Variants in PRTG observed in about 807,000 individuals in gnomAD.
PRTG encodes immunoglobulin superfamily, DCC subclass, member 5.
A neutral mutation model predicts 122.5 loss-of-function variants in PRTG; 67 were observed. The observed-to-expected ratio is 0.55, with a 90% CI of 0.45 to 0.67. The LOEUF is 0.67. PRTG is among the 30% of genes least tolerant of loss of function. The pLI is 0.00. For synonymous variants in PRTG, 554 were observed against 501.1 expected, an observed-to-expected ratio of 1.11 and a Z score of -1.41; for missense variants, 1,435 against 1,415.4, an observed-to-expected ratio of 1.01 and a Z score of -0.22.
Position 55,637,409 on chromosome 15 carries a change from T to C in PRTG, c.2453-69A>G, listed in dbSNP as rs146501788. The C allele has an allele frequency of 7.8e-3, 10,451 of 1,338,464 alleles. 63 individuals are homozygous for C. The highest frequency in any genetic ancestry group is 8.7e-3 in the Non-Finnish European group (8,831 of 1,019,434). The allele number at this position is 1,338,464 out of a possible 1,614,324, so 82.9% of individuals were successfully genotyped here. ...TTCATAAATACTCAAATACCTGGCT[T>C]ATAGGCTTAGAAAAAAGTTCAAAAA... On this transcript the variant is annotated intron_variant, in intron 14 of 19. Transcript: ENST00000389286.
chr15:55,678,664 C>T (rs569636314), intron 7 of PRTG, among the ~76,000 whole-genome samples: 1 of 152,264 alleles, frequency 6.6e-6, no homozygotes, highest in African/African-American at 2.4e-5. Context: ...TTTGAGTCTG[C>T]ATTAATATTT....
chr15:55,736,028 G>A (rs2031401053), intron 2 of PRTG, among the ~76,000 whole-genome samples: 1 of 152,036 alleles, frequency 6.6e-6, no homozygotes, highest in Non-Finnish European at 1.5e-5. Flanking sequence ...CTTTTTAAAG[G>A]CGAATTTTTT....
chr15:55,722,473 T>C (rs546022181), intron 2 of PRTG, among the ~76,000 whole-genome samples: 5 of 152,148 alleles, frequency 3.3e-5, no homozygotes, highest in African/African-American at 1.2e-4. Flanking sequence ...AATTTTAGTG[T>C]CTACAATGTG....
intron 2 of PRTG, among the ~76,000 whole-genome samples, chr15:55,729,147 A>G (rs1234744856): frequency 2.0e-5 from 3 of 152,246 alleles, no homozygotes; most frequent in Admixed American, 6.5e-5. Flanking sequence ...GAACGGGTAA[A>G]CAAAACATGG....
intron 2 of PRTG, among the ~76,000 whole-genome samples, chr15:55,739,788 T>C (rs1043337927): frequency 6.6e-6 from 1 of 152,190 alleles, no homozygotes; most frequent in East Asian, 1.9e-4. Context: ...TGAGCAGATA[T>C]GGGTTTAAGT....
intron 1 of PRTG, among the ~76,000 whole-genome samples, chr15:55,741,937 T>C (rs1020494159): frequency 1.7e-4 from 26 of 152,172 alleles, no homozygotes; most frequent in Non-Finnish European, 5.9e-5. Flanking sequence ...GTCTGTAACC[T>C]GCAAATAAAT....
chr15:55,679,558 T>G (rs1352913049), intron 6 of PRTG, 113 bp from the exon 7 acceptor site: 1 of 741,588 alleles, frequency 1.3e-6, no homozygotes, highest in Non-Finnish European at 2.1e-6. Flanking sequence ...ATGCCTGACA[T>G]GCTGAGCTCC....
chr15:55,735,711 G>A (rs2031387239), intron 2 of PRTG, among the ~76,000 whole-genome samples: 1 of 109,404 alleles, frequency 9.1e-6, no homozygotes, highest in Non-Finnish European at 1.8e-5. Context: ...ACTGGACCAT[G>A]CTTTGCTAAA....
At chr15:55,735,450 C>T (rs2031378015) in intron 2 of PRTG, among the ~76,000 whole-genome samples, 1 of 151,668 alleles carries the variant, frequency 6.6e-6, no homozygotes, top group Non-Finnish European at 1.5e-5. Context: ...TTTGTTGCTT[C>T]CTATTATTTT....
chr15:55,707,086 A>G (rs2030160467), intron 2 of PRTG, among the ~76,000 whole-genome samples: 1 of 152,220 alleles, frequency 6.6e-6, no homozygotes, highest in Admixed American at 6.5e-5. Flanking sequence ...GTGGGGAGCC[A>G]TTGAAATATT....
chr15:55,636,633 G>T (rs1169498592), intron 15 of PRTG, among the ~76,000 whole-genome samples: 1 of 151,766 alleles, frequency 6.6e-6, no homozygotes, highest in Non-Finnish European at 1.5e-5. Context: ...TCTCCAGTTG[G>T]CCTCAACCAA....
intron 11 of PRTG, among the ~76,000 whole-genome samples, chr15:55,670,897 TCACAAA>T (rs1567092109): frequency 9.8e-6 from 1 of 102,028 alleles, no homozygotes; most frequent in African/African-American, 4.3e-5. Context: ...TAAAACTCCG[TCACAAA>T]CACACACACA....
intron 11 of PRTG, among the ~76,000 whole-genome samples, chr15:55,661,441 G>A (rs896850292): frequency 1.3e-5 from 2 of 152,136 alleles, no homozygotes; most frequent in South Asian, 2.1e-4. Context: ...ATCTCCACAG[G>A]GGCCTTACTT....
intron 2 of PRTG, among the ~76,000 whole-genome samples, chr15:55,740,007 T>C (rs2031557785): frequency 1.3e-5 from 2 of 152,210 alleles, no homozygotes; most frequent in African/African-American, 4.8e-5. Context: ...GCAGAACAAT[T>C]TGCTTGTGAT....
In PRTG at chr15:55,637,151, G is replaced by T; in HGVS notation, c.2623+19C>A. The stretch of plus-strand genomic sequence containing the variant: ...AATAATCGTACTTTTCACCCTTCAT[G>T]GCAATTTATGATATTTACCTTCACG... On this transcript the variant is annotated intron_variant, in intron 15 of 19. Coordinates refer to ENST00000389286, the MANE Select transcript of PRTG (RefSeq NM_173814.6). 6.8e-7 allele frequency: 1 copy of T among 1,478,418 alleles called. No homozygotes were observed. The highest frequency in any genetic ancestry group is 9.0e-7 in the Non-Finnish European group (1 of 1,106,778). The allele number at this position is 1,478,418 out of a possible 1,614,324, so 91.6% of individuals were successfully genotyped here. A position where few individuals can be genotyped will look rare whatever the true frequency, so the allele number is the denominator to read the frequency against.
At chr15:55,645,942 AGTTG>A (rs2059320140) in intron 11 of PRTG, among the ~76,000 whole-genome samples, 1 of 152,200 alleles carries the variant, frequency 6.6e-6, no homozygotes, top group African/African-American at 2.4e-5. Context: ...GACAGGGAGA[AGTTG>A]GTTCTAGTTT....
chr15:55,709,451 A>T (rs2030293814), intron 2 of PRTG, among the ~76,000 whole-genome samples: 1 of 150,700 alleles, frequency 6.6e-6, no homozygotes, highest in African/African-American at 2.4e-5. Flanking sequence ...ACTACTTTGG[A>T]AACAGTTTGG....
At position 55,683,839 on chromosome 15, in the gene PRTG, C is replaced by A. The variant is rs1209226524; in HGVS notation, c.490G>T (p.Ala164Ser). The change falls in exon 3 of 20, where the codon GCA (alanine) becomes TCA (serine). Residue 164 changes from alanine to serine, a missense_variant. Coordinates refer to ENST00000389286, the MANE Select transcript of PRTG (RefSeq NM_173814.6). ...FACKISSHPP[A>S]VITWEFNRTT... ...CGATTGAACTCCCATGTTATGACTG[C>A]AGGAGGGTGGGATGAAATCTTGCAT... 1 of 1,613,912 alleles carries A rather than the reference C, an allele frequency of 6.2e-7. No individual in the cohort carries two copies. The highest frequency in any genetic ancestry group is 1.1e-5 in the South Asian group (1 of 91,068).
chr15:55,667,479 T>G (rs2059445329), intron 11 of PRTG, among the ~76,000 whole-genome samples: 1 of 152,144 alleles, frequency 6.6e-6, no homozygotes, highest in African/African-American at 2.4e-5. Flanking sequence ...TTTGGCATTT[T>G]AAGATACTGC....
Sources: allele counts gnomAD v4.1 joint callset (sites outside exome capture counted in the v4.1 genomes callset), GRCh38; gene constraint gnomAD v4.1.1; transcripts MANE v1.5; gene names NCBI Gene and HGNC (gene_info 2026-07-23, HGNC 2026-07-21).